Variants in TBC1D4 observed in about 807,000 individuals in gnomAD.
TBC1D4 encodes the protein TBC1 domain family member 4.
A neutral mutation model predicts 142.5 loss-of-function variants in TBC1D4; 121 were observed. The observed-to-expected ratio is 0.85, with a 90% CI of 0.73 to 0.99. The LOEUF (loss-of-function observed/expected upper bound fraction) is 0.99, where lower values mean the gene tolerates loss of function less well. Ranked by LOEUF, TBC1D4 falls within the 50% of genes least tolerant of loss-of-function variation. TBC1D4 has a pLI of 0.00. For synonymous variants in TBC1D4, 630 were observed against 628.2 expected (o/e 1.00, Z -0.04); for missense variants, 1,475 against 1,606.6 (o/e 0.92, Z 1.40).
At position 75,362,125 on chromosome 13, in the gene TBC1D4, G is replaced by A. The variant is rs773880965; in HGVS notation, c.981C>T (p.His327=). Residue 327 remains histidine, a synonymous_variant, in exon 2 of 21, where the codon CAC becomes CAT. Transcript: ENST00000377636. This position sits in a 1 kb window ranked among gnomAD's most constrained non-coding sequence, Gnocchi z 4.2. ...SSVTGVQRRV[H]EGSQKSQPRR... ...GCGGCTGGGATTTCTGGCTGCCCTCGTGAACTCTCCGTTGCACGCCGGTGA... is the reference window on the plus strand; with the variant it reads ...GCGGCTGGGATTTCTGGCTGCCCTCATGAACTCTCCGTTGCACGCCGGTGA... The A allele has an allele frequency of 5.0e-6, 8 of 1,613,818 alleles. No individual in the cohort carries two copies. The highest frequency in any genetic ancestry group is 1.1e-5 in the South Asian group (1 of 91,064).
chr13:75,359,832 G>A lies in TBC1D4; in HGVS notation c.1107C>T (p.Ile369=). 1 of 1,613,592 alleles carries A rather than the reference G, an allele frequency of 6.2e-7. No homozygotes were observed. Among genetic ancestry groups the A allele is most frequent in the Non-Finnish European group, 8.5e-7 (1 of 1,179,738 alleles). ...FQVGRFEINL[I]SPDTKSVVLE... ...GCACAACTGATTTAGTGTCTGGACT[G>A]ATAAGGTTAATCTCAAATCGCCCAA... Residue 369 remains isoleucine, a synonymous_variant, in exon 3 of 21, where the codon ATC becomes ATT. Coordinates refer to ENST00000377636, the MANE Select transcript of TBC1D4 (RefSeq NM_014832.5).
At chr13:75,438,931 G>A (rs572989387) in intron 1 of TBC1D4, among the ~76,000 whole-genome samples, 12 of 152,286 alleles carry the variant, frequency 7.9e-5, no homozygotes, top group African/African-American at 2.6e-4. Context: ...AGTATTTCCT[G>A]TTTAAGGCAA....
intron 1 of TBC1D4, among the ~76,000 whole-genome samples, chr13:75,409,260 T>G (rs1055483982): frequency 2.6e-5 from 4 of 152,232 alleles, no homozygotes; most frequent in Non-Finnish European, 2.9e-5. Context: ...TAATGGCTGG[T>G]AATTGGCAAA....
At chr13:75,307,773 G>A (rs1877328014) in intron 14 of TBC1D4, among the ~76,000 whole-genome samples, 1 of 152,120 alleles carries the variant, frequency 6.6e-6, no homozygotes, top group South Asian at 2.1e-4. Context: ...ATAAATCACA[G>A]TACAAAACTA....
intron 7 of TBC1D4, among the ~76,000 whole-genome samples, chr13:75,338,628 T>C (rs978029644): frequency 6.6e-6 from 1 of 152,132 alleles, no homozygotes; most frequent in Admixed American, 6.5e-5. Flanking sequence ...CTCCTTTAAC[T>C]TCAGGTCCAC....
chr13:75,391,520 C>T lies in TBC1D4; in HGVS notation c.499-28913G>A, dbSNP rs113064605. On this transcript the variant is annotated intron_variant, in intron 1 of 20. Coordinates refer to ENST00000377636, the MANE Select transcript of TBC1D4 (RefSeq NM_014832.5). ...TTGACAGAAGAGAGCACTTCCTCAA[C>T]TTTGACATACTTCTTTCACTTGGCT... is the stretch of plus-strand genomic sequence containing the variant. Among the ~76,000 whole-genome samples, 930 of 152,292 alleles carry T rather than the reference C, an allele frequency of 6.1e-3. 17 individuals carry two copies. The highest frequency in any genetic ancestry group is 0.021 in the African/African-American group (874 of 41,556).
At chr13:75,364,805 A>T (rs993649850) in intron 1 of TBC1D4, among the ~76,000 whole-genome samples, 13 of 152,172 alleles carry the variant, frequency 8.5e-5, no homozygotes, top group African/African-American at 2.9e-4. Context: ...TTTTCATCTA[A>T]TTTTTAACCC....
chr13:75,365,308 C>A (rs1158252033), intron 1 of TBC1D4, among the ~76,000 whole-genome samples: 2 of 150,718 alleles, frequency 1.3e-5, no homozygotes, highest in African/African-American at 4.9e-5. Flanking sequence ...AGAGACTCTG[C>A]AAAACTAATC....
chr13:75,410,157 A>C (rs995650186), intron 1 of TBC1D4, among the ~76,000 whole-genome samples: 2 of 152,208 alleles, frequency 1.3e-5, no homozygotes, highest in Admixed American at 6.5e-5. Context: ...CACTCAATAA[A>C]TGGTACCTAT....
At chr13:75,409,349 A>C (rs2138386840) in intron 1 of TBC1D4, among the ~76,000 whole-genome samples, 1 of 152,286 alleles carries the variant, frequency 6.6e-6, no homozygotes, top group East Asian at 1.9e-4. Flanking sequence ...TATTCATTTT[A>C]AATACTGTAT....
rs533407390 is a variant in TBC1D4, at chr13:75,334,123, TA to T, written c.1731+2797del. 8.9e-4 allele frequency among the ~76,000 whole-genome samples: 135 copies of T among 152,336 alleles called. 1 individual carries two copies. Among genetic ancestry groups the T allele is most frequent in the Non-Finnish European group, 1.5e-3 (99 of 68,016 alleles). The stretch of plus-strand genomic sequence containing the variant: ...CATACAGCAAATATCTTATTTATGA[TA>T]AAACTTTCAATATATTCATTTATTT... On this transcript the variant is annotated intron_variant, in intron 8 of 20. Transcript: ENST00000377636.
rs766800389 is a variant in TBC1D4 at position 75,481,417 on chromosome 13, G to T, written c.351C>A (p.Phe117Leu). ...TATGCTGCGCCTTGTGCTCGAAGATGAATACCGCCGGGTTGGGCTGCGTGG... is the reference window on the plus strand; with the variant it reads ...TATGCTGCGCCTTGTGCTCGAAGATTAATACCGCCGGGTTGGGCTGCGTGG... ...PSATQPNPAV[F>L]IFEHKAQHIS... The change falls in exon 1 of 21, where the codon TTC becomes TTA. Residue 117 changes from phenylalanine to leucine, a missense_variant. Coordinates refer to ENST00000377636, the MANE Select transcript of TBC1D4 (RefSeq NM_014832.5). The T allele has an allele frequency of 9.9e-6, 16 of 1,613,880 alleles. No individual in the cohort carries two copies. The highest frequency in any genetic ancestry group is 1.1e-5 in the Non-Finnish European group (13 of 1,179,814).
chr13:75,461,177 C>T (rs1887950670), intron 1 of TBC1D4, among the ~76,000 whole-genome samples: 1 of 152,206 alleles, frequency 6.6e-6, no homozygotes, highest in South Asian at 2.1e-4. Flanking sequence ...TATTTGGGAG[C>T]CACTGAATGT....
At chr13:75,430,491 A>G (rs769574451) in intron 1 of TBC1D4, among the ~76,000 whole-genome samples, 2 of 152,234 alleles carry the variant, frequency 1.3e-5, no homozygotes, top group African/African-American at 2.4e-5. Context: ...TTCTTTCCAA[A>G]TATGACCAAA....
intron 1 of TBC1D4, among the ~76,000 whole-genome samples, chr13:75,413,963 TG>T (rs1425581986): frequency 1.3e-5 from 2 of 152,190 alleles, no homozygotes; most frequent in Non-Finnish European, 2.9e-5. Context: ...CACAAGAGAT[TG>T]TGCTTAGGGT....
Position 75,362,610 on chromosome 13 carries a change from G to T in TBC1D4, c.499-3C>A, listed in dbSNP as rs1341893568. 1.2e-6 allele frequency: 2 copies of T among 1,613,318 alleles called. No homozygotes were observed. Among genetic ancestry groups the T allele is most frequent in the Admixed American group, 1.7e-5 (1 of 59,946 alleles). ...ATGCTGCTAATAACATCAGGAACCTGGGGGAAAAAATTAAAACCCTGATTC... is the reference window on the plus strand; with the variant it reads ...ATGCTGCTAATAACATCAGGAACCTTGGGGAAAAAATTAAAACCCTGATTC... On this transcript the variant is annotated splice_polypyrimidine_tract_variant and splice_region_variant and intron_variant, in intron 1 of 20. Transcript: ENST00000377636. This position sits in a 1 kb window ranked among gnomAD's most constrained non-coding sequence, Gnocchi z 4.2.
chr13:75,399,602 T>A (rs1401953317), intron 1 of TBC1D4, among the ~76,000 whole-genome samples: 1 of 152,224 alleles, frequency 6.6e-6, no homozygotes, highest in East Asian at 1.9e-4. Context: ...GATGCTATAA[T>A]GAGCTGAGAC....
chr13:75,398,315 G>A (rs1884905638), intron 1 of TBC1D4, among the ~76,000 whole-genome samples: 1 of 152,222 alleles, frequency 6.6e-6, no homozygotes, highest in Admixed American at 6.5e-5. Context: ...GCTGGCATAA[G>A]AAAATCTAAA....
intron 1 of TBC1D4, among the ~76,000 whole-genome samples, chr13:75,397,871 G>A (rs1254752160): frequency 6.6e-6 from 1 of 152,222 alleles, no homozygotes; most frequent in Non-Finnish European, 1.5e-5. Flanking sequence ...TTAGGTGGCT[G>A]CTTTGATTAA....
Sources: gnomAD v4.1 joint callset for allele counts (sites outside exome capture counted in the v4.1 genomes callset) on GRCh38, gnomAD v4.1.1 for gene constraint, Gnocchi (gnomAD v3.1) non-coding constraint, MANE v1.5 for transcripts, NCBI Gene and HGNC (gene_info 2026-07-23, HGNC 2026-07-21) for gene names.